The following CRPPA variants were observed in gnomAD, a reference collection of about 807,000 sequenced individuals.
CRPPA encodes CDP-L-ribitol pyrophosphorylase A, also known as D-ribitol-5-phosphate cytidylyltransferase.
In CRPPA, 43 loss-of-function variants were observed where a neutral mutation model predicts 52.0. The ratio of observed to expected loss-of-function variants is 0.83; its 90% CI spans 0.65 to 1.07. The LOEUF (loss-of-function observed/expected upper bound fraction) is 1.07. CRPPA is among the 50% of genes least tolerant of loss of function. The pLI, the probability that CRPPA is intolerant of heterozygous loss-of-function variation, is 0.00. For missense variants in CRPPA, 629 were observed against 551.7 expected (o/e 1.14, Z -1.40); for synonymous variants, 250 against 203.5 (o/e 1.23, Z -1.94).
At chr7:16,166,656 A>G (rs1196035369) in intron 9 of CRPPA, among the ~76,000 whole-genome samples, 1 of 152,176 alleles carries the variant, frequency 6.6e-6, no homozygotes, top group Admixed American at 6.5e-5. Flanking sequence ...TTAAAAATAC[A>G]TTGTCCTACT....
chr7:16,376,830 T>C (rs149312287), intron 2 of CRPPA, among the ~76,000 whole-genome samples: 55 of 152,322 alleles, frequency 3.6e-4, no homozygotes, highest in African/African-American at 1.3e-3. Flanking sequence ...GAAAGTTCTC[T>C]CAATAATAGT....
intron 8 of CRPPA, among the ~76,000 whole-genome samples, chr7:16,254,100 G>A (rs1783541810): frequency 6.6e-6 from 1 of 152,168 alleles, no homozygotes; most frequent in South Asian, 2.1e-4. Context: ...AGATGCCGGA[G>A]AGGATGTGGA....
intron 9 of CRPPA, among the ~76,000 whole-genome samples, chr7:16,176,745 T>A (rs34077328): frequency 0.41 from 62,200 of 151,474 alleles, 13,559 homozygotes; most frequent in South Asian, 0.62. Context: ...CCTGGCAAAA[T>A]TATTCTCCTA....
In CRPPA at chr7:16,351,204, A is replaced by G. The variant is rs138053213; in HGVS notation, c.684+24888T>C. On this transcript the variant is annotated intron_variant, in intron 3 of 9. Coordinates refer to ENST00000407010, the MANE Select transcript of CRPPA (RefSeq NM_001101426.4). ...ATGGTACTGGGAAAACCGGCTACCC[A>G]TATGCTGAAAAACTGAAACTTAAGC... is the stretch of plus-strand genomic sequence containing the variant. Among the ~76,000 whole-genome samples the G allele has an allele frequency of 2.2e-3, 338 of 152,286 alleles. 4 individuals carry two copies. Among genetic ancestry groups the G allele is most frequent in the African/African-American group, 8.0e-3 (333 of 41,570 alleles).
intron 9 of CRPPA, among the ~76,000 whole-genome samples, chr7:16,194,285 T>C (rs1781680267): frequency 6.6e-6 from 1 of 152,298 alleles, no homozygotes; most frequent in East Asian, 1.9e-4. Context: ...GGTAGCCTTA[T>C]ACGAGTAGAT....
At chr7:16,338,900 C>T (rs533187682) in intron 3 of CRPPA, among the ~76,000 whole-genome samples, 1 of 149,326 alleles carries the variant, frequency 6.7e-6, no homozygotes. Flanking sequence ...ACTGCAAGCT[C>T]TGCCTCACAG....
chr7:16,115,920 A>G (rs1782361635), intron 9 of CRPPA, among the ~76,000 whole-genome samples: 1 of 152,220 alleles, frequency 6.6e-6, no homozygotes, highest in Admixed American at 6.5e-5. Flanking sequence ...CACAAAAGGT[A>G]AAGATCTTTA....
intron 9 of CRPPA, among the ~76,000 whole-genome samples, chr7:16,157,330 T>G (rs191841316): frequency 6.6e-6 from 1 of 152,256 alleles, no homozygotes; most frequent in Non-Finnish European, 1.5e-5. Context: ...GGGAGAAGGT[T>G]CTCATATGGA....
chr7:16,375,447 C>A (rs1000924410), intron 3 of CRPPA, among the ~76,000 whole-genome samples: 9 of 152,096 alleles, frequency 5.9e-5, no homozygotes, highest in African/African-American at 2.2e-4. Context: ...CAGAAGCAAT[C>A]CAGTAATATT....
intron 9 of CRPPA, among the ~76,000 whole-genome samples, chr7:16,149,141 A>T (rs920239648): frequency 6.6e-6 from 1 of 152,212 alleles, no homozygotes; most frequent in African/African-American, 2.4e-5. Flanking sequence ...ATGAATATAC[A>T]TATGGTTTGT....
At chr7:16,290,972 G>A (rs924429715) in intron 5 of CRPPA, among the ~76,000 whole-genome samples, 2 of 151,954 alleles carry the variant, frequency 1.3e-5, no homozygotes, top group South Asian at 2.1e-4. Context: ...CAAAGGACAC[G>A]AATAGGCATT....
chr7:16,305,896 A>C lies in CRPPA; in HGVS notation c.789+2627T>G, dbSNP rs146050999. The stretch of plus-strand genomic sequence containing the variant: ...ACTCCGTCAAAAACAAACAAACAAA[A>C]AAATTTATATTCTCTCACAGTCTGG... On this transcript the variant is annotated intron_variant, in intron 4 of 9. Coordinates refer to ENST00000407010, the MANE Select transcript of CRPPA (RefSeq NM_001101426.4). Among the ~76,000 whole-genome samples, 310 of 152,276 alleles carry C rather than the reference A, an allele frequency of 2.0e-3. 1 individual carries two copies. Among genetic ancestry groups the C allele is most frequent in the Admixed American group, 3.8e-3 (58 of 15,278 alleles).
At chr7:16,146,220 C>T (rs1276187538) in intron 9 of CRPPA, among the ~76,000 whole-genome samples, 2 of 149,348 alleles carry the variant, frequency 1.3e-5, no homozygotes, top group African/African-American at 5.0e-5. Flanking sequence ...AAAAAAAAAA[C>T]CTACCAACCA....
intron 3 of CRPPA, among the ~76,000 whole-genome samples, chr7:16,365,628 G>A (rs1786571375): frequency 6.6e-6 from 1 of 152,040 alleles, no homozygotes; most frequent in Admixed American, 6.6e-5. Context: ...TTATAAAGAT[G>A]AAAAAGGCAG....
chr7:16,168,670 C>G (rs969485939), intron 9 of CRPPA, among the ~76,000 whole-genome samples: 7 of 151,510 alleles, frequency 4.6e-5, no homozygotes, highest in African/African-American at 1.7e-4. Context: ...CTCCATTCAA[C>G]CAGAAATATT....
At chr7:16,295,154 A>G (rs1341904534) in intron 5 of CRPPA, among the ~76,000 whole-genome samples, 1 of 152,108 alleles carries the variant, frequency 6.6e-6, no homozygotes, top group African/African-American at 2.4e-5. Flanking sequence ...CTGCTCTTCT[A>G]TCGGTATAGT....
chr7:16,266,332 C>A (rs554991617), intron 6 of CRPPA: 1 of 152,218 alleles, frequency 6.6e-6, no homozygotes, highest in African/African-American at 2.4e-5. Flanking sequence ...CTTTGTGCAT[C>A]CATCTCTCAC....
rs148255420 is a variant in CRPPA at position 16,100,423 on chromosome 7, A to G, written c.1252-8624T>C. Among the ~76,000 whole-genome samples the G allele has an allele frequency of 1.3e-4, 20 of 152,330 alleles. No individual in the cohort carries two copies. The East Asian group carries it at 3.9e-3, about 29-fold the overall frequency. ...TAACTTTTCCAAATTCTAAACTCAA[A>G]CATAGTACTATGTCCACAGTAGGCA... On this transcript the variant is annotated intron_variant, in intron 9 of 9. Coordinates refer to ENST00000407010, the MANE Select transcript of CRPPA (RefSeq NM_001101426.4).
At chr7:16,215,202 T>C (rs1426605479) in intron 9 of CRPPA, among the ~76,000 whole-genome samples, 1 of 152,208 alleles carries the variant, frequency 6.6e-6, no homozygotes, top group Non-Finnish European at 1.5e-5. Flanking sequence ...TACCTGTCAT[T>C]CACTGGACAT....
Sources: gnomAD v4.1 joint callset for allele counts (sites outside exome capture counted in the v4.1 genomes callset) on GRCh38, gnomAD v4.1.1 for gene constraint, MANE v1.5 for transcripts, NCBI Gene and HGNC (gene_info 2026-07-23, HGNC 2026-07-21) for gene names.